The following RECQL5 variants were observed in gnomAD, a reference collection of about 807,000 sequenced individuals.
RECQL5 encodes the protein RecQ like helicase 5.
RECQL5 carries 88 observed loss-of-function variants against 103.4 expected under a neutral mutation model. That is an observed-to-expected ratio of 0.85 (90% CI 0.72 to 1.02). The LOEUF is 1.02. Among genes scored for constraint, RECQL5 ranks in the 50% least tolerant of loss-of-function variants. RECQL5 has a pLI of 0.00. For missense variants in RECQL5, 1,232 were observed against 1,284.3 expected, an observed-to-expected ratio of 0.96 and a Z score of 0.62; for synonymous variants, 552 against 507.9, an observed-to-expected ratio of 1.09 and a Z score of -1.17.
At chr17:75,629,599 A>G (rs890106731) in intron 15 of RECQL5, 109 bp downstream of exon 15, 2 of 1,509,262 alleles carry the variant, frequency 1.3e-6, no homozygotes, top group Admixed American at 4.4e-5. Flanking sequence ...AGAGGCAGGC[A>G]GGACCCTGGT....
At chr17:75,642,391 G>A (rs2148296797) in intron 8 of RECQL5, among the ~76,000 whole-genome samples, 1 of 152,296 alleles carries the variant, frequency 6.6e-6, no homozygotes, top group South Asian at 2.1e-4. Context: ...ATGGAGAGGG[G>A]ATCCCAGCCC....
In RECQL5 at chr17:75,666,580, AG is replaced by A. The variant is rs775393023; in HGVS notation, c.-14-10del. The A allele has an allele frequency of 3.5e-5, 57 of 1,612,226 alleles. No homozygotes were observed. The highest frequency in any genetic ancestry group is 1.7e-5 in the Admixed American group (1 of 59,618). On this transcript the variant is annotated splice_polypyrimidine_tract_variant and intron_variant, in intron 1 of 19. Coordinates refer to ENST00000317905, the MANE Select transcript of RECQL5 (RefSeq NM_004259.7). The stretch of plus-strand genomic sequence containing the variant: ...CATCTTAGCCAAGAACAGTGGCCAA[AG>A]GTTAAGGCAAAGGTAGTAAAAGGTT...
At chr17:75,650,468 C>A in intron 8 of RECQL5, 3 of 1,364,882 alleles carry the variant, frequency 2.2e-6, no homozygotes, top group Non-Finnish European at 2.8e-6. Flanking sequence ...TGGCCTCAGT[C>A]TACCATGAGC....
intron 8 of RECQL5, among the ~76,000 whole-genome samples, chr17:75,642,505 G>A (rs1443991672): frequency 1.3e-5 from 2 of 152,204 alleles, no homozygotes; most frequent in South Asian, 2.1e-4. Flanking sequence ...TAGTGTCCAC[G>A]GACTTGTCTG....
At chr17:75,642,647 T>G (rs2059447504) in intron 8 of RECQL5, among the ~76,000 whole-genome samples, 1 of 152,186 alleles carries the variant, frequency 6.6e-6, no homozygotes, top group African/African-American at 2.4e-5. Context: ...AGGAGGAGGA[T>G]GAAGATGATG....
chr17:75,633,704 T>G (rs1343949571), intron 8 of RECQL5: 1 of 1,129,036 alleles, frequency 8.9e-7, no homozygotes, highest in East Asian at 8.1e-5. Flanking sequence ...GGGGTGGCCT[T>G]CCTGAGGGCA....
chr17:75,640,824 G>GCTGCTGCTGCACTCA lies in RECQL5; in HGVS notation c.1230-9171_1230-9157dup, dbSNP rs1187081915. On this transcript the variant is annotated intron_variant, in intron 8 of 19. Coordinates refer to ENST00000317905, the MANE Select transcript of RECQL5 (RefSeq NM_004259.7). The surrounding 1 kb of genome is among the most constrained non-coding windows in gnomAD (Gnocchi z 4.6). The stretch of plus-strand genomic sequence containing the variant: ...CTGCTGTTGCTGCTGATAGCCTGCA[G>GCTGCTGCTGCACTCA]CTGCTGCTGCACTCACTGCTGCTGC... 9.0e-6 allele frequency: 14 copies of GCTGCTGCTGCACTCA among 1,550,102 alleles called. No individual in the cohort carries two copies. Among genetic ancestry groups the GCTGCTGCTGCACTCA allele is most frequent in the East Asian group, 4.9e-5 (2 of 40,920 alleles).
chr17:75,628,726 G>GACTT lies in RECQL5; in HGVS notation c.2522_2525dup (p.Gln843SerfsTer41). On this transcript the variant is annotated frameshift_variant, in exon 17 of 20. Coordinates refer to ENST00000317905, the MANE Select transcript of RECQL5 (RefSeq NM_004259.7). LOFTEE classifies it high-confidence loss of function. Reference sequence around the variant, plus strand: ...ATGTGTCCTTTGCAGGGGTGGGCTGGACTTCAGGGGTGCCCTGGTCTCTGG... The same window carrying GACTT: ...ATGTGTCCTTTGCAGGGGTGGGCTGGACTTACTTCAGGGGTGCCCTGGTCTCTGG... The GACTT allele has an allele frequency of 6.3e-7, 1 of 1,590,276 alleles. No individual in the cohort carries two copies. Among genetic ancestry groups the GACTT allele is most frequent in the Non-Finnish European group, 8.5e-7 (1 of 1,174,320 alleles).
At chr17:75,659,629 T>C (rs908369099) in intron 6 of RECQL5, among the ~76,000 whole-genome samples, 5 of 152,034 alleles carry the variant, frequency 3.3e-5, no homozygotes, top group African/African-American at 9.7e-5. Context: ...GCTGGAATTA[T>C]AGGTGTGAAC....
rs969439035 is a variant in RECQL5, at chr17:75,643,492, C to G, written c.1229+7694G>C. 5.3e-5 allele frequency among the ~76,000 whole-genome samples: 8 copies of G among 152,340 alleles called. 1 individual carries two copies. The East Asian group carries it at 1.5e-3, about 29-fold the overall frequency. On this transcript the variant is annotated intron_variant, in intron 8 of 19. Transcript: ENST00000317905. The stretch of plus-strand genomic sequence containing the variant: ...TTGGCCAACTGGCACACACCAGGCC[C>G]GGCTGTCGGGCCAACTCCTTCACAG...
At chr17:75,638,022 A>C (rs1185957388) in intron 8 of RECQL5, 1 of 152,234 alleles carries the variant, frequency 6.6e-6, no homozygotes, top group Non-Finnish European at 1.5e-5. Flanking sequence ...TATGCCTCTC[A>C]GTACATTTGA....
chr17:75,644,908 A>G (rs2148301684), intron 8 of RECQL5, among the ~76,000 whole-genome samples: 1 of 152,208 alleles, frequency 6.6e-6, no homozygotes, highest in East Asian at 1.9e-4. Flanking sequence ...GTTAAAGAAC[A>G]CCTAAGTTCT....
intron 8 of RECQL5, among the ~76,000 whole-genome samples, chr17:75,635,384 T>C (rs993049782): frequency 1.3e-5 from 2 of 151,990 alleles, no homozygotes; most frequent in Non-Finnish European, 2.9e-5. Context: ...AGGACACGAG[T>C]GGACAGGGTC....
At chr17:75,646,091 C>T (rs190427237) in intron 8 of RECQL5, among the ~76,000 whole-genome samples, 148 of 152,376 alleles carry the variant, frequency 9.7e-4, no homozygotes, top group Middle Eastern at 3.4e-3. Flanking sequence ...TTCCCAGCTT[C>T]CCTATTGTGC....
At position 75,628,437 on chromosome 17, in the gene RECQL5, G is replaced by C. The variant is rs369545196; in HGVS notation, c.2586C>G (p.Asn862Lys). The change falls in exon 18 of 20, where the codon AAC becomes AAG. Residue 862 changes from asparagine (N) to lysine (K), a missense_variant. By Grantham distance (94) the Asn-to-Lys change is moderately conservative. Coordinates refer to ENST00000317905, the MANE Select transcript of RECQL5 (RefSeq NM_004259.7). The part of the protein sequence containing the change: ...KGKRPRSQQE[N>K]PESQPQKRPR... ...GCCTCTTCTGAGGCTGGCTCTCTGG[G>C]TTCTCCTGAGAAGGGCCACAGCAGA... The C allele has an allele frequency of 3.1e-6, 5 of 1,613,104 alleles. No homozygotes were observed. Among genetic ancestry groups the C allele is most frequent in the Non-Finnish European group, 4.2e-6 (5 of 1,179,840 alleles).
At chr17:75,665,862 T>C (rs2059770065) in intron 2 of RECQL5, among the ~76,000 whole-genome samples, 1 of 152,210 alleles carries the variant, frequency 6.6e-6, no homozygotes, top group Non-Finnish European at 1.5e-5. Context: ...ACATTGCTGC[T>C]CGCCTCTTGG....
intron 7 of RECQL5, among the ~76,000 whole-genome samples, chr17:75,655,707 C>T (rs1469408603): frequency 6.6e-6 from 1 of 151,270 alleles, no homozygotes; most frequent in Non-Finnish European, 1.5e-5. Context: ...CTCACTTTGT[C>T]GCCCAGGCTG....
At chr17:75,647,713 T>C in intron 8 of RECQL5, 2 of 752,524 alleles carry the variant, frequency 2.7e-6, no homozygotes, top group Non-Finnish European at 2.2e-6. Flanking sequence ...AGTAAAATAC[T>C]GTATCTGGCT....
At position 75,640,976 on chromosome 17, in the gene RECQL5, C is replaced by A; in HGVS notation, c.1230-9308G>T. 1 of 1,511,208 alleles carries A rather than the reference C, an allele frequency of 6.6e-7. No individual in the cohort carries two copies. Among genetic ancestry groups the A allele is most frequent in the South Asian group, 1.2e-5 (1 of 81,842 alleles). 93.6% of individuals were successfully genotyped at this position (1,511,208 alleles called of 1,614,324 possible). A position where few individuals can be genotyped will look rare whatever the true frequency, so the allele number is the denominator to read the frequency against. On this transcript the variant is annotated intron_variant, in intron 8 of 19. Transcript: ENST00000317905. This position sits in a 1 kb window ranked among gnomAD's most constrained non-coding sequence, Gnocchi z 4.6. ...ACAGGCCATCAGCCTGGCCCTGCAGCCCTTACCCCTCAAGACCAGGCTCCC... is the reference window on the plus strand; with the variant it reads ...ACAGGCCATCAGCCTGGCCCTGCAGACCTTACCCCTCAAGACCAGGCTCCC...
Sources: allele counts gnomAD v4.1 joint callset (sites outside exome capture counted in the v4.1 genomes callset), GRCh38; gene constraint gnomAD v4.1.1; non-coding constraint Gnocchi (gnomAD v3.1); transcripts MANE v1.5; gene names NCBI Gene and HGNC (gene_info 2026-07-23, HGNC 2026-07-21).